The following SNTB1 variants were observed in gnomAD, a reference collection of about 807,000 sequenced individuals.
SNTB1 encodes the protein beta-1-syntrophin.
Under a neutral mutation model 48.9 loss-of-function variants are expected in SNTB1, and 36 were observed. The ratio of observed to expected loss-of-function variants is 0.74; its 90% confidence interval spans 0.56 to 0.97. The LOEUF (loss-of-function observed/expected upper bound fraction) is 0.97, where lower values mean the gene tolerates loss of function less well. Among genes scored for constraint, SNTB1 ranks in the 50% least tolerant of loss-of-function variants. The pLI is 0.00. For missense variants in SNTB1, 786 were observed against 703.4 expected, an observed-to-expected ratio of 1.12 and a Z score of -1.33; for synonymous variants, 299 against 294.6, an observed-to-expected ratio of 1.01 and a Z score of -0.15.
Position 120,538,531 on chromosome 8 carries a change from C to A in SNTB1, c.*346G>T. The A allele has an allele frequency of 7.6e-6, 3 of 395,426 alleles. No homozygotes were observed. The highest frequency in any genetic ancestry group is 5.7e-5 in the South Asian group (3 of 53,008). The allele number at this position is 395,426 out of a possible 1,614,324, so 24.5% of individuals were successfully genotyped here. A position where few individuals can be genotyped will look rare whatever the true frequency, so the allele number is the denominator to read the frequency against. ...CTTGCGTACCTGGTGAACAAGTTGC[C>A]TAGGAACTGGGATGATTAAGATCTG... On this transcript the variant is annotated 3_prime_UTR_variant, in exon 7 of 7. Transcript: ENST00000517992.
intron 2 of SNTB1, among the ~76,000 whole-genome samples, chr8:120,664,141 A>G (rs1817637019): frequency 6.6e-6 from 1 of 152,210 alleles, no homozygotes; most frequent in African/African-American, 2.4e-5. Flanking sequence ...TATACAAGGA[A>G]GGAAAGCCAT....
chr8:120,687,695 G>T (rs542098661), intron 2 of SNTB1, among the ~76,000 whole-genome samples: 142 of 152,238 alleles, frequency 9.3e-4, no homozygotes, highest in Non-Finnish European at 1.6e-3. Flanking sequence ...ACATTGTTTT[G>T]GGTTATTAAT....
intron 1 of SNTB1, among the ~76,000 whole-genome samples, chr8:120,806,055 T>C (rs13438834): frequency 0.23 from 35,727 of 152,214 alleles, 4,507 homozygotes; most frequent in Middle Eastern, 0.33. Flanking sequence ...GTGTTAGCTA[T>C]TATTACATTC....
chr8:120,811,403 C>T lies in SNTB1; in HGVS notation c.441G>A (p.Ala147=). The change falls in exon 1 of 7, where the codon GCG becomes GCA. Residue 147 remains alanine, a synonymous_variant. Transcript: ENST00000517992. ...CGTACAGGGCTTGGGTCTGGTCCGCCGCCAGCCCCTTGAAGATCTTGCTGA... is the reference window on the plus strand; with the variant it reads ...CGTACAGGGCTTGGGTCTGGTCCGCTGCCAGCCCCTTGAAGATCTTGCTGA... The part of the protein sequence containing the change: ...ILISKIFKGL[A]ADQTQALYVG... 4 of 1,614,052 alleles carry T rather than the reference C, an allele frequency of 2.5e-6. No individual in the cohort carries two copies. The highest frequency in any genetic ancestry group is 3.4e-6 in the Non-Finnish European group (4 of 1,179,942).
At chr8:120,630,124 GC>G (rs1230132059) in intron 3 of SNTB1, among the ~76,000 whole-genome samples, 2 of 152,226 alleles carry the variant, frequency 1.3e-5, no homozygotes, top group Non-Finnish European at 2.9e-5. Flanking sequence ...GTGTTGGCCA[GC>G]CTCCCTTTGC....
intron 2 of SNTB1, among the ~76,000 whole-genome samples, chr8:120,645,776 T>C (rs1363908608): frequency 2.8e-5 from 3 of 106,028 alleles, no homozygotes; most frequent in Middle Eastern, 8.3e-3. Context: ...TTTCACGATA[T>C]TGATTCTTCC....
intron 2 of SNTB1, among the ~76,000 whole-genome samples, chr8:120,656,326 A>G (rs1455185059): frequency 6.6e-6 from 1 of 152,202 alleles, no homozygotes; most frequent in Non-Finnish European, 1.5e-5. Context: ...AGGGAAACTG[A>G]CAATATCTCT....
chr8:120,758,134 G>A (rs541672950), intron 1 of SNTB1, among the ~76,000 whole-genome samples: 5 of 152,096 alleles, frequency 3.3e-5, no homozygotes, highest in African/African-American at 4.8e-5. Context: ...AAAGGAAGGA[G>A]GGAAAAAGAT....
chr8:120,733,592 A>G (rs1029129377), intron 1 of SNTB1, among the ~76,000 whole-genome samples: 9 of 152,250 alleles, frequency 5.9e-5, no homozygotes, highest in African/African-American at 2.2e-4. Context: ...AAGCATGAAT[A>G]TTTATCTCCT....
chr8:120,562,778 G>A (rs1032584042), intron 4 of SNTB1, among the ~76,000 whole-genome samples: 2 of 152,048 alleles, frequency 1.3e-5, no homozygotes, highest in African/African-American at 2.4e-5. Context: ...ACTTAGAAAC[G>A]GGTTAATTGT....
chr8:120,782,334 A>G (rs1819842458), intron 1 of SNTB1, among the ~76,000 whole-genome samples: 1 of 152,192 alleles, frequency 6.6e-6, no homozygotes, highest in Non-Finnish European at 1.5e-5. Flanking sequence ...TTGAGGAGAC[A>G]CAATTCAACC....
chr8:120,552,350 G>A (rs545896591), intron 4 of SNTB1, among the ~76,000 whole-genome samples: 8 of 152,212 alleles, frequency 5.3e-5, no homozygotes, highest in South Asian at 4.2e-4. Context: ...CAGTGTGTTC[G>A]AGAAGTAATA....
intron 1 of SNTB1, among the ~76,000 whole-genome samples, chr8:120,711,336 A>G (rs1393072803): frequency 6.6e-6 from 1 of 152,206 alleles, no homozygotes; most frequent in African/African-American, 2.4e-5. Context: ...CATTAAAAAA[A>G]ATCTTTATAC....
In SNTB1 at chr8:120,535,982, C is replaced by T. The variant is rs181146131; in HGVS notation, c.*2895G>A. The T allele has an allele frequency of 1.3e-5, 2 of 152,116 alleles. No homozygotes were observed. Among genetic ancestry groups the T allele is most frequent in the Non-Finnish European group, 2.9e-5 (2 of 68,022 alleles). The allele number at this position is 152,116 out of a possible 1,614,324, so 9.4% of individuals were successfully genotyped here. A position where few individuals can be genotyped will look rare whatever the true frequency, so the allele number is the denominator to read the frequency against. ...TTTCTGACCATCAAGACCATTCTTT[C>T]CTGCTTCAACCAAGCAGAGTCAACA... On this transcript the variant is annotated 3_prime_UTR_variant, in exon 7 of 7. Coordinates refer to ENST00000517992, the MANE Select transcript of SNTB1 (RefSeq NM_021021.4).
intron 3 of SNTB1, among the ~76,000 whole-genome samples, chr8:120,632,214 CT>C (rs1816993563): frequency 1.3e-5 from 2 of 152,182 alleles, no homozygotes; most frequent in Admixed American, 6.5e-5. Flanking sequence ...ATCCAACAAC[CT>C]GGACCCCGTG....
At chr8:120,807,469 T>C (rs960147701) in intron 1 of SNTB1, among the ~76,000 whole-genome samples, 7 of 152,216 alleles carry the variant, frequency 4.6e-5, no homozygotes, top group Admixed American at 2.6e-4. Context: ...AATGAGCTTG[T>C]GATGTGAAGA....
chr8:120,578,460 C>T (rs980740229), intron 3 of SNTB1, among the ~76,000 whole-genome samples: 1 of 152,126 alleles, frequency 6.6e-6, no homozygotes, highest in Non-Finnish European at 1.5e-5. Flanking sequence ...GATATGAATA[C>T]GACAGTTTTG....
At chr8:120,779,211 A>C (rs958489552) in intron 1 of SNTB1, among the ~76,000 whole-genome samples, 1 of 152,204 alleles carries the variant, frequency 6.6e-6, no homozygotes, top group Non-Finnish European at 1.5e-5. Flanking sequence ...TCTGGCCAAA[A>C]ATAAACTGTA....
chr8:120,664,584 C>T (rs567946489), intron 2 of SNTB1, among the ~76,000 whole-genome samples: 2 of 152,228 alleles, frequency 1.3e-5, no homozygotes, highest in African/African-American at 4.8e-5. Flanking sequence ...TAAGATTCAT[C>T]CATGTTGTAG....
Sources: gnomAD v4.1 joint callset for allele counts (sites outside exome capture counted in the v4.1 genomes callset) on GRCh38, gnomAD v4.1.1 for gene constraint, MANE v1.5 for transcripts, NCBI Gene and HGNC (gene_info 2026-07-23, HGNC 2026-07-21) for gene names.